The following IL31RA variants were observed in gnomAD, a reference collection of about 807,000 sequenced individuals.
IL31RA encodes the protein interleukin-31 receptor subunit alpha.
Under a neutral mutation model 83.7 loss-of-function variants are expected in IL31RA, and 66 were observed. The observed-to-expected ratio is 0.79, with a 90% confidence interval of 0.65 to 0.97. The LOEUF (loss-of-function observed/expected upper bound fraction) is 0.97, where lower values mean the gene tolerates loss of function less well. Ranked by LOEUF, IL31RA falls within the 50% of genes least tolerant of loss-of-function variation. The probability of loss-of-function intolerance (pLI) is 0.00; values close to 1 mark genes in which losing one functional copy is unlikely to be tolerated. For missense variants in IL31RA, 798 were observed against 919.4 expected, an observed-to-expected ratio of 0.87 and a Z score of 1.71; for synonymous variants, 325 against 329.0, an observed-to-expected ratio of 0.99 and a Z score of 0.13.
Position 55,884,089 on chromosome 5 carries a change from C to T in IL31RA, c.606+894C>T, listed in dbSNP as rs547884317. Among the ~76,000 whole-genome samples, 10 of 152,260 alleles carry T rather than the reference C, an allele frequency of 6.6e-5. No individual in the cohort carries two copies. The East Asian group carries it at 7.7e-4, about 12-fold the overall frequency. ...CCCTTTGGATTCCTTCTTCTGGAAG[C>T]GCTGATTTAAGCCTTTTGCATGTTT... On this transcript the variant is annotated intron_variant, in intron 5 of 14. Coordinates refer to ENST00000652347, the MANE Select transcript of IL31RA (RefSeq NM_139017.7).
intron 2 of IL31RA, among the ~76,000 whole-genome samples, chr5:55,867,123 TTGTG>T (rs1362555467): frequency 9.0e-5 from 8 of 88,854 alleles, no homozygotes; most frequent in Admixed American, 2.1e-4. Context: ...ATGTGTGTGT[TTGTG>T]TGTGTGTGCA....
chr5:55,847,244 A>AT (rs750562303), upstream of IL31RA, among the ~76,000 whole-genome samples: 14,104 of 61,050 alleles, frequency 0.23, 1,034 homozygotes, highest in African/African-American at 0.33. Context: ...AAAAAAAATA[A>AT]AAATAAATAA....
At position 55,892,458 on chromosome 5, in the gene IL31RA, G is replaced by A. The variant is rs1243442138; in HGVS notation, c.772+2323G>A. Among the ~76,000 whole-genome samples the A allele has an allele frequency of 2.6e-5, 4 of 152,346 alleles. No homozygotes were observed. The East Asian group carries it at 7.7e-4, about 29-fold the overall frequency. On this transcript the variant is annotated intron_variant, in intron 6 of 14. Coordinates refer to ENST00000652347, the MANE Select transcript of IL31RA (RefSeq NM_139017.7). Reference sequence around the variant, plus strand: ...CCTTTGGATCCTGGTTGAGTTTCCAGTATTAACACTAGTATTAACAGATGT... The same window carrying A: ...CCTTTGGATCCTGGTTGAGTTTCCAATATTAACACTAGTATTAACAGATGT...
In IL31RA at chr5:55,890,111, A is replaced by G. The variant is rs762763838; in HGVS notation, c.748A>G (p.Lys250Glu). 1.2e-6 allele frequency: 2 copies of G among 1,613,924 alleles called. No homozygotes were observed. Among genetic ancestry groups the G allele is most frequent in the East Asian group, 4.5e-5 (2 of 44,874 alleles). The stretch of plus-strand genomic sequence containing the variant: ...GTTCTGGAGTGACTGGAGCCAAGAA[A>G]AAATGGGAATGACTGAGGAAGAAGG... ...SKFWSDWSQE[K>E]MGMTEEEAPC... The change falls in exon 6 of 15, where the codon AAA (lysine) becomes GAA (glutamate). Residue 250 changes from lysine to glutamate, a missense_variant. Transcript: ENST00000652347.
At chr5:55,878,208 T>C (rs1264581146) in intron 4 of IL31RA, among the ~76,000 whole-genome samples, 1 of 152,256 alleles carries the variant, frequency 6.6e-6, no homozygotes, top group Non-Finnish European at 1.5e-5. Context: ...TATATTTTTG[T>C]TGATATTCTC....
At chr5:55,845,393 G>A in the IL31RA span, among the ~76,000 whole-genome samples, 1 of 151,374 alleles carries the variant, frequency 6.6e-6, no homozygotes, top group Non-Finnish European at 1.5e-5. Flanking sequence ...GGCAAGAGAG[G>A]GCTGTAGTGG....
At chr5:55,891,711 C>T (rs1207849495) in intron 6 of IL31RA, among the ~76,000 whole-genome samples, 1 of 146,042 alleles carries the variant, frequency 6.8e-6, no homozygotes, top group Non-Finnish European at 1.5e-5. Context: ...TCTGCAAAGT[C>T]CCTTTTACCA....
chr5:55,909,753 G>A (rs914117694), intron 11 of IL31RA, among the ~76,000 whole-genome samples: 1 of 146,482 alleles, frequency 6.8e-6, no homozygotes, highest in Non-Finnish European at 1.5e-5. Context: ...TGCCCAGACT[G>A]GAGTGCAATG....
intron 7 of IL31RA, 44 bp downstream of exon 7, chr5:55,896,473 C>G (rs765335088): frequency 8.1e-7 from 1 of 1,235,632 alleles, no homozygotes; most frequent in South Asian, 1.2e-5. Context: ...TCTTCCCCTT[C>G]CCTCCTTTCC....
At chr5:55,859,470 A>G in intron 1 of IL31RA, 39 bp from the exon 2 acceptor site, 1 of 1,401,708 alleles carries the variant, frequency 7.1e-7, no homozygotes, top group Non-Finnish European at 1.0e-6. Context: ...TTGAAAAGAG[A>G]TATGAAGCAA....
chr5:55,882,332 A>G (rs1446284705), intron 4 of IL31RA, among the ~76,000 whole-genome samples: 1 of 152,248 alleles, frequency 6.6e-6, no homozygotes, highest in Admixed American at 6.5e-5. Context: ...AAGAATTATT[A>G]ATACAAAGGG....
At chr5:55,848,102 G>T (rs771888068), upstream of IL31RA, among the ~76,000 whole-genome samples, 1 of 152,146 alleles carries the variant, frequency 6.6e-6, no homozygotes, top group Admixed American at 6.5e-5. Flanking sequence ...TGTTTGCCAG[G>T]TTTCTCCACT....
intron 4 of IL31RA, among the ~76,000 whole-genome samples, chr5:55,882,432 A>G (rs1285028012): frequency 1.3e-5 from 2 of 152,190 alleles, no homozygotes; most frequent in Non-Finnish European, 2.9e-5. Context: ...GCAAATAATT[A>G]TACGGAAAAC....
intron 4 of IL31RA, among the ~76,000 whole-genome samples, chr5:55,875,448 A>G (rs1361753017): frequency 2.0e-5 from 3 of 151,986 alleles, no homozygotes; most frequent in Non-Finnish European, 4.4e-5. Flanking sequence ...TTATTTTTAA[A>G]CCTGTCAATA....
At chr5:55,882,285 A>G (rs1203412224) in intron 4 of IL31RA, among the ~76,000 whole-genome samples, 10 of 152,228 alleles carry the variant, frequency 6.6e-5, no homozygotes, top group Non-Finnish European at 1.2e-4. Flanking sequence ...GTTCATTCAT[A>G]AAGTAGAATA....
intron 2 of IL31RA, 45 bp downstream of exon 2, chr5:55,859,644 C>T: frequency 2.3e-6 from 3 of 1,296,814 alleles, no homozygotes; most frequent in Non-Finnish European, 3.4e-6. Context: ...ATTATTATTG[C>T]CTTCTTTGGA....
upstream of IL31RA, among the ~76,000 whole-genome samples, chr5:55,848,911 A>G (rs1355669120): frequency 1.3e-5 from 2 of 152,216 alleles, no homozygotes; most frequent in Non-Finnish European, 2.9e-5. Context: ...AAACAAGTAA[A>G]CAAAAGACCT....
chr5:55,909,440 G>T (rs1439749392), intron 11 of IL31RA, among the ~76,000 whole-genome samples: 1 of 152,144 alleles, frequency 6.6e-6, no homozygotes, highest in East Asian at 1.9e-4. Flanking sequence ...AAGTTGAATT[G>T]CTGGATCATA....
intron 7 of IL31RA, among the ~76,000 whole-genome samples, chr5:55,898,163 G>A (rs937945058): frequency 1.3e-5 from 2 of 152,098 alleles, no homozygotes; most frequent in Admixed American, 6.6e-5. Flanking sequence ...CACATTTTTG[G>A]GGGAGGAAAG....
Sources: gnomAD v4.1 joint callset for allele counts (sites outside exome capture counted in the v4.1 genomes callset) on GRCh38, gnomAD v4.1.1 for gene constraint, MANE v1.5 for transcripts, NCBI Gene and HGNC (gene_info 2026-07-23, HGNC 2026-07-21) for gene names.